Variants in SCUBE3 observed in about 807,000 individuals in gnomAD.
SCUBE3 encodes signal peptide, CUB domain and EGF like domain containing 3.
A neutral mutation model predicts 116.8 loss-of-function variants in SCUBE3; 33 were observed. That is an observed-to-expected ratio of 0.28 (90% CI 0.21 to 0.38). The LOEUF (loss-of-function observed/expected upper bound fraction) is 0.38. Ranked by LOEUF, SCUBE3 falls within the 10% of genes least tolerant of loss-of-function variation. The probability of loss-of-function intolerance (pLI) is 1.00; values close to 1 mark genes in which losing one functional copy is unlikely to be tolerated. For synonymous variants in SCUBE3, 418 were observed against 496.9 expected (o/e 0.84, Z 2.11); for missense variants, 1,007 against 1,324.8 (o/e 0.76, Z 3.72).
chr6:35,227,186 C>T (rs1783362203), intron 1 of SCUBE3, among the ~76,000 whole-genome samples: 1 of 152,320 alleles, frequency 6.6e-6, no homozygotes, highest in Admixed American at 6.5e-5. Flanking sequence ...CCAGAGACCA[C>T]TGTTCCCATG....
At position 35,214,494 on chromosome 6, in the gene SCUBE3, G is replaced by C. The variant is rs1303554759; in HGVS notation, c.76G>C (p.Ala26Pro). The C allele has an allele frequency of 1.3e-6, 2 of 1,499,092 alleles. No individual in the cohort carries two copies. Among genetic ancestry groups the C allele is most frequent in the Non-Finnish European group, 1.8e-6 (2 of 1,127,158 alleles). 92.9% of individuals were successfully genotyped at this position (1,499,092 alleles called of 1,614,324 possible). ...CGCCCGCGCCGCCCAGTACAGCAAA[G>C]CCGCGCAAGGTAAGGAAGGAGGGGC... ...VHARAAQYSK[A>P]AQDVDECVEG... Residue 26 changes from alanine to proline, a missense_variant, in exon 1 of 22, where the codon GCC (alanine) becomes CCC (proline). Coordinates refer to ENST00000274938, the MANE Select transcript of SCUBE3 (RefSeq NM_152753.4). The surrounding 1 kb of genome is among the most constrained non-coding windows in gnomAD (Gnocchi z 6.3).
intron 1 of SCUBE3, among the ~76,000 whole-genome samples, chr6:35,217,335 C>T (rs1782961870): frequency 6.8e-6 from 1 of 146,498 alleles, no homozygotes; most frequent in South Asian, 2.3e-4. Context: ...GAAAAGGTCT[C>T]TCGGCCTCCA....
Position 35,233,367 on chromosome 6 carries a change from C to A in SCUBE3, c.712+66C>A. 1 of 991,526 alleles carries A rather than the reference C, an allele frequency of 1.0e-6. No individual in the cohort carries two copies. Among genetic ancestry groups the A allele is most frequent in the South Asian group, 1.3e-5 (1 of 74,530 alleles). 61.4% of individuals were successfully genotyped at this position (991,526 alleles called of 1,614,324 possible). ...GGTGGGGGTGGGACCCTTTGGGAAC[C>A]AGGGAAGTGGAGGAGTGCATGGGGC... On this transcript the variant is annotated intron_variant, in intron 6 of 21. Coordinates refer to ENST00000274938, the MANE Select transcript of SCUBE3 (RefSeq NM_152753.4). The surrounding 1 kb of genome is among the most constrained non-coding windows in gnomAD (Gnocchi z 5.7).
chr6:35,231,978 C>G lies in SCUBE3; in HGVS notation c.469+119C>G. 1.1e-6 allele frequency: 1 copy of G among 886,688 alleles called. No homozygotes were observed. The highest frequency in any genetic ancestry group is 2.7e-5 in the East Asian group (1 of 37,572). The allele number at this position is 886,688 out of a possible 1,614,324, so 54.9% of individuals were successfully genotyped here. A position where few individuals can be genotyped will look rare whatever the true frequency, so the allele number is the denominator to read the frequency against. The stretch of plus-strand genomic sequence containing the variant: ...CTCAACTCAGCTAGCTCCTTCTTCT[C>G]TTGTCCTTCAACTCAATCACACCCT... On this transcript the variant is annotated intron_variant, in intron 4 of 21. Coordinates refer to ENST00000274938, the MANE Select transcript of SCUBE3 (RefSeq NM_152753.4). The surrounding 1 kb of genome is among the most constrained non-coding windows in gnomAD (Gnocchi z 4.2).
intron 3 of SCUBE3, among the ~76,000 whole-genome samples, chr6:35,230,226 C>G (rs764383635): frequency 3.3e-5 from 5 of 152,206 alleles, no homozygotes; most frequent in Non-Finnish European, 7.3e-5. Context: ...GGCACTTAGA[C>G]CAGGACAGTG....
chr6:35,242,930 A>G lies in SCUBE3; in HGVS notation c.1694-91A>G, dbSNP rs561067247. 8.0e-5 allele frequency: 120 copies of G among 1,495,128 alleles called. No homozygotes were observed. In the African/African-American group the frequency reaches 1.5e-3, roughly 19 times the overall value. 92.6% of individuals were successfully genotyped at this position (1,495,128 alleles called of 1,614,324 possible). A position where few individuals can be genotyped will look rare whatever the true frequency, so the allele number is the denominator to read the frequency against. ...AGCCTAAAAGCTAGTCCCTCTTACC[A>G]TGCCCCTCCTAGCTCCCAGCTTTGC... On this transcript the variant is annotated intron_variant, in intron 14 of 21. Transcript: ENST00000274938.
chr6:35,237,875 A>T, intron 6 of SCUBE3, 27 bp from the exon 7 acceptor site: 1 of 1,439,384 alleles, frequency 6.9e-7, no homozygotes, highest in Non-Finnish European at 9.7e-7. Context: ...TAACCTCATT[A>T]CCATCCCCCA....
At chr6:35,238,134 A>C in intron 7 of SCUBE3, 116 bp downstream of exon 7, 2 of 617,070 alleles carry the variant, frequency 3.2e-6, no homozygotes, top group Non-Finnish European at 3.0e-6. Flanking sequence ...CTTATGAAGA[A>C]CCCAGGACAT....
chr6:35,220,937 C>T (rs1783097725), intron 1 of SCUBE3: 1 of 152,220 alleles, frequency 6.6e-6, no homozygotes, highest in Non-Finnish European at 1.5e-5. Context: ...CAGCCAGTCC[C>T]AAACTGGGAA....
At chr6:35,217,309 C>T (rs1233436523) in intron 1 of SCUBE3, among the ~76,000 whole-genome samples, 2 of 135,100 alleles carry the variant, frequency 1.5e-5, no homozygotes, top group African/African-American at 2.7e-5. Flanking sequence ...GCATAGGGCT[C>T]AGGTTACAGC....
In SCUBE3 at chr6:35,235,749, C is replaced by T. The variant is rs1783742995; in HGVS notation, c.713-2153C>T. 6.6e-6 allele frequency among the ~76,000 whole-genome samples: 1 copy of T among 152,172 alleles called. No individual in the cohort carries two copies. The highest frequency in any genetic ancestry group is 6.5e-5 in the Admixed American group (1 of 15,278). On this transcript the variant is annotated intron_variant, in intron 6 of 21. Coordinates refer to ENST00000274938, the MANE Select transcript of SCUBE3 (RefSeq NM_152753.4). This position sits in a 1 kb window ranked among gnomAD's most constrained non-coding sequence, Gnocchi z 4.5. ...CTCTCCTTCTGCCCTTCCTCTTCTG[C>T]TGTCTCCTCCCACACCCACCTTCTA...
chr6:35,235,783 C>T lies in SCUBE3; in HGVS notation c.713-2119C>T, dbSNP rs79677588. 0.013 allele frequency among the ~76,000 whole-genome samples: 1,956 copies of T among 152,106 alleles called. 17 individuals carry two copies. Among genetic ancestry groups the T allele is most frequent in the African/African-American group, 0.023 (940 of 41,468 alleles). On this transcript the variant is annotated intron_variant, in intron 6 of 21. Coordinates refer to ENST00000274938, the MANE Select transcript of SCUBE3 (RefSeq NM_152753.4). The surrounding 1 kb of genome is among the most constrained non-coding windows in gnomAD (Gnocchi z 4.5). ...CCCACACCCACCTTCTAACACCCCA[C>T]CCCACTCCCAGCCATCTGCTCCCCA...
chr6:35,238,017 AG>A lies in SCUBE3; in HGVS notation c.829+1del. ...MLQPDRKTCK[D>X]IDECRLNNGG... is the part of the protein sequence containing the mutation. ...TGCAGCCAGACAGGAAGACGTGCAA[AG>A]GTAAGGACTTTGAGAGGACAGAAGC... On this transcript the variant is annotated frameshift_variant and splice_region_variant, in exon 7 of 22. Transcript: ENST00000274938. LOFTEE classifies it high-confidence loss of function. 1 of 1,581,100 alleles carries A rather than the reference AG, an allele frequency of 6.3e-7. No individual in the cohort carries two copies. The highest frequency in any genetic ancestry group is 8.7e-7 in the Non-Finnish European group (1 of 1,150,892).
At position 35,245,667 on chromosome 6, in the gene SCUBE3, G is replaced by A. The variant is rs1432482832; in HGVS notation, c.2599+242G>A. Among the ~76,000 whole-genome samples the A allele has an allele frequency of 2.6e-5, 4 of 152,196 alleles. No homozygotes were observed. The highest frequency in any genetic ancestry group is 5.9e-5 in the Non-Finnish European group (4 of 68,040). On this transcript the variant is annotated intron_variant, in intron 19 of 21. Transcript: ENST00000274938. The surrounding 1 kb of genome is among the most constrained non-coding windows in gnomAD (Gnocchi z 4.2). ...GGCTAGAACTCCAATGGCGTTACATGTATCACTTTCCTATCCTAGCATTTT... is the reference window on the plus strand; with the variant it reads ...GGCTAGAACTCCAATGGCGTTACATATATCACTTTCCTATCCTAGCATTTT...
rs946646696 is a variant in SCUBE3, at chr6:35,214,932, C to A, written c.85+429C>A. On this transcript the variant is annotated intron_variant, in intron 1 of 21. Coordinates refer to ENST00000274938, the MANE Select transcript of SCUBE3 (RefSeq NM_152753.4). The surrounding 1 kb of genome is among the most constrained non-coding windows in gnomAD (Gnocchi z 6.3). ...CCGTGCCGTATATTTCTTTCCCTTA[C>A]CCCCAACCCGCATGCAAAGTTAGAC... Among the ~76,000 whole-genome samples, 6 of 152,190 alleles carry A rather than the reference C, an allele frequency of 3.9e-5. No individual in the cohort carries two copies. The highest frequency in any genetic ancestry group is 1.3e-4 in the Admixed American group (2 of 15,276).
chr6:35,233,280 A>G lies in SCUBE3; in HGVS notation c.691A>G (p.Thr231Ala), dbSNP rs79753406. The stretch of plus-strand genomic sequence containing the variant: ...CTGCCATATCAAGTTTGTGCTCCAT[A>G]CCGACGGGAAGACATGCATCGGTGG... ...CGCHIKFVLH[T>A]DGKTCIETCA... The change falls in exon 6 of 22, where the codon ACC becomes GCC. Residue 231 changes from threonine to alanine, a missense_variant. By Grantham distance (58) the Thr-to-Ala change is moderately conservative. Transcript: ENST00000274938. The surrounding 1 kb of genome is among the most constrained non-coding windows in gnomAD (Gnocchi z 5.7). The G allele has an allele frequency of 9.0e-3, 14,482 of 1,608,246 alleles. 129 individuals are homozygous for G. The highest frequency in any genetic ancestry group is 0.032 in the East Asian group (1,444 of 44,674).
Position 35,241,959 on chromosome 6 carries a change from A to C in SCUBE3, c.1417+49A>C, listed in dbSNP as rs751335396. ...GTTCCCACCCTACTCTCTTACATTA[A>C]TCCCTTATTTTTGTTCTTCATCAAT... On this transcript the variant is annotated intron_variant, in intron 12 of 21. Coordinates refer to ENST00000274938, the MANE Select transcript of SCUBE3 (RefSeq NM_152753.4). This position sits in a 1 kb window ranked among gnomAD's most constrained non-coding sequence, Gnocchi z 4.1. The C allele has an allele frequency of 7.7e-7, 1 of 1,296,188 alleles. No homozygotes were observed. The highest frequency in any genetic ancestry group is 1.7e-5 in the Admixed American group (1 of 59,306). 80.3% of individuals were successfully genotyped at this position (1,296,188 alleles called of 1,614,324 possible).
At position 35,239,416 on chromosome 6, in the gene SCUBE3, T is replaced by C. The variant is rs9469969; in HGVS notation, c.830-336T>C. 0.051 allele frequency among the ~76,000 whole-genome samples: 7,656 copies of C among 149,456 alleles called. 603 individuals are homozygous for C. The highest frequency in any genetic ancestry group is 0.17 in the African/African-American group (6,950 of 40,476). The stretch of plus-strand genomic sequence containing the variant: ...ATCAGCTGGAGACTAAGGGCTAGCC[T>C]GTTAGGTCAAATGCCCACCTGCCCC... On this transcript the variant is annotated intron_variant, in intron 7 of 21. Coordinates refer to ENST00000274938, the MANE Select transcript of SCUBE3 (RefSeq NM_152753.4). This position sits in a 1 kb window ranked among gnomAD's most constrained non-coding sequence, Gnocchi z 4.1.
At position 35,240,339 on chromosome 6, in the gene SCUBE3, G is replaced by C; in HGVS notation, c.953-35G>C. 1 of 1,363,938 alleles carries C rather than the reference G, an allele frequency of 7.3e-7. No individual in the cohort carries two copies. The highest frequency in any genetic ancestry group is 1.3e-5 in the South Asian group (1 of 78,678). The allele number at this position is 1,363,938 out of a possible 1,614,324, so 84.5% of individuals were successfully genotyped here. A position where few individuals can be genotyped will look rare whatever the true frequency, so the allele number is the denominator to read the frequency against. On this transcript the variant is annotated intron_variant, in intron 8 of 21. Transcript: ENST00000274938. The surrounding 1 kb of genome is among the most constrained non-coding windows in gnomAD (Gnocchi z 4.6). ...CCTGAGCAAGGGTCAAGTGCTCCAA[G>C]ACAGATTCAGTGGCTTGAATCTTTG...
Sources: allele counts gnomAD v4.1 joint callset (sites outside exome capture counted in the v4.1 genomes callset), GRCh38; gene constraint gnomAD v4.1.1; non-coding constraint Gnocchi (gnomAD v3.1); transcripts MANE v1.5; gene names NCBI Gene and HGNC (gene_info 2026-07-23, HGNC 2026-07-21).